Variants in NDST4 observed in about 807,000 individuals in gnomAD.
NDST4 encodes N-deacetylase and N-sulfotransferase 4, also known as N-heparan sulfate sulfotransferase 4.
In NDST4, 63 loss-of-function variants were observed where a neutral mutation model predicts 100.8. The ratio of observed to expected loss-of-function variants is 0.62; its 90% confidence interval spans 0.51 to 0.77. The LOEUF (loss-of-function observed/expected upper bound fraction) is 0.77. NDST4 is among the 30% of genes least tolerant of loss of function. The pLI is 0.00. For synonymous variants in NDST4, 377 were observed against 361.8 expected (o/e 1.04, Z -0.48); for missense variants, 943 against 1,018.4 (o/e 0.93, Z 1.01).
intron 2 of NDST4, among the ~76,000 whole-genome samples, chr4:115,016,189 C>T (rs80239733): frequency 0.085 from 12,996 of 152,066 alleles, 1,838 homozygotes; most frequent in African/African-American, 0.29. Context: ...TCTGCATTAA[C>T]CCAAAGCAGC....
chr4:114,994,169 A>T (rs1727110191), intron 2 of NDST4, among the ~76,000 whole-genome samples: 1 of 152,008 alleles, frequency 6.6e-6, no homozygotes, highest in African/African-American at 2.4e-5. Context: ...AGAAAAAAAT[A>T]ATAAAGTAAC....
In NDST4 at chr4:115,109,244, T is replaced by A. The variant is rs537602556; in HGVS notation, c.-247+4200A>T. Among the ~76,000 whole-genome samples the A allele has an allele frequency of 4.6e-5, 7 of 152,042 alleles. No individual in the cohort carries two copies. The East Asian group carries it at 5.8e-4, about 13-fold the overall frequency. On this transcript the variant is annotated intron_variant, in intron 1 of 13. Transcript: ENST00000264363. Reference sequence around the variant, plus strand: ...CCATTTACTTTTTACTTGAATATAGTGAACCTGGCCAAGCTAACTTTCAAC... The same window carrying A: ...CCATTTACTTTTTACTTGAATATAGAGAACCTGGCCAAGCTAACTTTCAAC...
chr4:114,890,482 T>C (rs1380983706), intron 6 of NDST4, among the ~76,000 whole-genome samples: 3 of 152,104 alleles, frequency 2.0e-5, no homozygotes, highest in African/African-American at 7.2e-5. Context: ...CACCTTTTTT[T>C]CTCATGTCAT....
At chr4:115,062,462 C>T (rs940921227) in intron 2 of NDST4, among the ~76,000 whole-genome samples, 1 of 151,586 alleles carries the variant, frequency 6.6e-6, no homozygotes, top group African/African-American at 2.4e-5. Flanking sequence ...AAAAAATGCC[C>T]ACAAGCGATG....
chr4:115,082,977 A>G lies in NDST4; in HGVS notation c.-246-5695T>C, dbSNP rs113946641. Among the ~76,000 whole-genome samples the G allele has an allele frequency of 8.2e-3, 1,253 of 152,340 alleles. 20 individuals are homozygous for G. Among genetic ancestry groups the G allele is most frequent in the African/African-American group, 0.028 (1,166 of 41,576 alleles). On this transcript the variant is annotated intron_variant, in intron 1 of 13. Transcript: ENST00000264363. ...TTGATTTGAAAGAGCTGTGTTGTAA[A>G]TTGGAATGACTTAAGAATTTGCAAT... is the stretch of plus-strand genomic sequence containing the variant.
chr4:114,984,104 C>T (rs1382861672), intron 2 of NDST4, among the ~76,000 whole-genome samples: 4 of 151,972 alleles, frequency 2.6e-5, no homozygotes, highest in Non-Finnish European at 2.9e-5. Context: ...ATTATTGAGT[C>T]TTGGATATGT....
Position 115,076,153 on chromosome 4 carries a change from C to G in NDST4, c.884G>C (p.Arg295Thr). ...GTACCTGTCCAAGGACAATGTCAGC[C>G]TCTTCCCTGACAAGAAGGAGATGGC... ...IDAISFLSGK[R>T]LTLSLDRYIL... Residue 295 changes from arginine to threonine, a missense_variant, in exon 2 of 14, where the codon AGG becomes ACG. Around this residue, in one of 2 missense-constraint regions of NDST4, gnomAD observed 417 missense variants for 384.2 expected, o/e 1.09. Transcript: ENST00000264363. 6.2e-7 allele frequency: 1 copy of G among 1,613,966 alleles called. No homozygotes were observed. The highest frequency in any genetic ancestry group is 1.1e-5 in the South Asian group (1 of 91,086).
intron 4 of NDST4, among the ~76,000 whole-genome samples, chr4:114,962,211 C>T (rs1018771513): frequency 6.6e-5 from 10 of 152,114 alleles, no homozygotes; most frequent in Admixed American, 2.6e-4. Flanking sequence ...TGCCTAATGG[C>T]GAAAGACTGC....
intron 6 of NDST4, among the ~76,000 whole-genome samples, chr4:114,914,440 A>G (rs1319083200): frequency 1.3e-5 from 2 of 152,140 alleles, no homozygotes; most frequent in Non-Finnish European, 2.9e-5. Flanking sequence ...CCATAAATAT[A>G]TATACCTACT....
At chr4:114,841,401 A>G (rs1485392270) in intron 10 of NDST4, among the ~76,000 whole-genome samples, 3 of 152,230 alleles carry the variant, frequency 2.0e-5, no homozygotes, top group Middle Eastern at 3.2e-3. Flanking sequence ...TTATTTTGAA[A>G]TGTGGAGCAG....
rs1218840726 is a variant in NDST4 at position 114,986,793 on chromosome 4, C to CATATGTATATATATATATAT, written c.979-9520_979-9519insATATATATATATATACATAT. 1.4e-4 allele frequency among the ~76,000 whole-genome samples: 13 copies of CATATGTATATATATATATAT among 91,130 alleles called. 1 individual carries two copies. The highest frequency in any genetic ancestry group is 5.9e-4 in the African/African-American group (13 of 22,106). 59.8% of individuals were successfully genotyped at this position (91,130 alleles called of 152,430 possible). A position where few individuals can be genotyped will look rare whatever the true frequency, so the allele number is the denominator to read the frequency against. The stretch of plus-strand genomic sequence containing the variant: ...CCTCTAAGCCTGGTATCCAATTATA[C>CATATGTATATATATATATAT]ATATATATATATATATATATATATA... On this transcript the variant is annotated intron_variant, in intron 2 of 13. Coordinates refer to ENST00000264363, the MANE Select transcript of NDST4 (RefSeq NM_022569.3).
At chr4:114,961,159 A>C (rs1472699805) in intron 4 of NDST4, among the ~76,000 whole-genome samples, 1 of 152,088 alleles carries the variant, frequency 6.6e-6, no homozygotes, top group Non-Finnish European at 1.5e-5. Flanking sequence ...GATGAATAAA[A>C]ATGAAGACCC....
chr4:114,897,776 G>C (rs927281830), intron 6 of NDST4, among the ~76,000 whole-genome samples: 3 of 152,200 alleles, frequency 2.0e-5, no homozygotes, highest in African/African-American at 7.2e-5. Context: ...AATTGTAATA[G>C]GTTTTTAGTG....
chr4:114,859,311 T>C (rs1408721606), intron 7 of NDST4, among the ~76,000 whole-genome samples: 1 of 152,176 alleles, frequency 6.6e-6, no homozygotes, highest in African/African-American at 2.4e-5. Context: ...AAATACAGAA[T>C]AGGAGACAAA....
intron 12 of NDST4, among the ~76,000 whole-genome samples, chr4:114,832,919 G>A (rs905584654): frequency 5.3e-5 from 8 of 152,168 alleles, no homozygotes; most frequent in African/African-American, 1.9e-4. Flanking sequence ...ATTCAGAGAC[G>A]TGAGTAAAGG....
intron 2 of NDST4, among the ~76,000 whole-genome samples, chr4:115,047,974 C>G (rs1284481471): frequency 6.6e-6 from 1 of 151,970 alleles, no homozygotes; most frequent in Non-Finnish European, 1.5e-5. Flanking sequence ...ATGTGAAACT[C>G]TTACATGCAG....
chr4:114,936,469 A>T (rs1725631046), intron 5 of NDST4, among the ~76,000 whole-genome samples: 1 of 152,178 alleles, frequency 6.6e-6, no homozygotes. Context: ...TGATAGATGG[A>T]TTTTAACAGC....
intron 3 of NDST4, among the ~76,000 whole-genome samples, chr4:114,971,622 T>C (rs1189656902): frequency 2.0e-5 from 3 of 152,114 alleles, no homozygotes; most frequent in Non-Finnish European, 4.4e-5. Context: ...GTGGGTTGTA[T>C]TATTTGGTTT....
intron 2 of NDST4, among the ~76,000 whole-genome samples, chr4:115,074,936 G>A (rs2126289092): frequency 6.6e-6 from 1 of 152,174 alleles, no homozygotes; most frequent in South Asian, 2.1e-4. Context: ...GTTATACATA[G>A]GATGAGACAG....
Sources: allele counts gnomAD v4.1 joint callset (sites outside exome capture counted in the v4.1 genomes callset), GRCh38; gene constraint gnomAD v4.1.1; regional missense constraint gnomAD v4.1.1; transcripts MANE v1.5; gene names NCBI Gene and HGNC (gene_info 2026-07-23, HGNC 2026-07-21).